Variants in PPFIBP1 observed in about 807,000 individuals in gnomAD.
The protein encoded by PPFIBP1 is PPFIB scaffold protein 1.
A neutral mutation model predicts 137.8 loss-of-function variants in PPFIBP1; 112 were observed. The observed-to-expected ratio is 0.81, with a 90% CI of 0.70 to 0.95. PPFIBP1 has a LOEUF of 0.95. PPFIBP1 is among the 40% of genes least tolerant of loss of function. The pLI is 0.00. For missense variants in PPFIBP1, 1,083 were observed against 1,196.6 expected (o/e 0.91, Z 1.40); for synonymous variants, 378 against 417.3 (o/e 0.91, Z 1.15).
At chr12:27,538,228 G>A (rs1351511026) in intron 1 of PPFIBP1, 1 of 152,132 alleles carries the variant, frequency 6.6e-6, no homozygotes, top group Non-Finnish European at 1.5e-5. Flanking sequence ...CCACTTAAAA[G>A]CAGTTCATCA....
At chr12:27,536,424 G>A (rs932513747) in intron 1 of PPFIBP1, among the ~76,000 whole-genome samples, 3 of 152,162 alleles carry the variant, frequency 2.0e-5, no homozygotes, top group South Asian at 4.1e-4. Flanking sequence ...GGAAGCTTCC[G>A]ATCATGGCAG....
intron 6 of PPFIBP1, among the ~76,000 whole-genome samples, chr12:27,649,649 C>T (rs1230671255): frequency 6.6e-6 from 1 of 152,020 alleles, no homozygotes; most frequent in Non-Finnish European, 1.5e-5. Context: ...CTCCTGGGTT[C>T]AAGTAATTCT....
chr12:27,665,901 T>A (rs2059827288), intron 12 of PPFIBP1, among the ~76,000 whole-genome samples: 1 of 152,246 alleles, frequency 6.6e-6, no homozygotes, highest in African/African-American at 2.4e-5. Context: ...GCAATTCTCA[T>A]CACTCAGCAT....
At chr12:27,681,926 A>G (rs1313570857) in intron 22 of PPFIBP1, among the ~76,000 whole-genome samples, 1 of 152,124 alleles carries the variant, frequency 6.6e-6, no homozygotes, top group Non-Finnish European at 1.5e-5. Flanking sequence ...TTAATGAAAA[A>G]GAATTACATA....
At chr12:27,632,993 T>C (rs10842956) in intron 2 of PPFIBP1, among the ~76,000 whole-genome samples, 56,357 of 151,900 alleles carry the variant, frequency 0.37, 10,655 homozygotes, top group Admixed American at 0.45. Context: ...GAGCAGAGAT[T>C]GGGTGGGGCT....
chr12:27,549,346 C>G (rs1431737439), intron 1 of PPFIBP1: 1 of 152,206 alleles, frequency 6.6e-6, no homozygotes, highest in African/African-American at 2.4e-5. Context: ...ACTTCTCCAT[C>G]TTTCTAACAT....
At chr12:27,642,505 C>A (rs1331292009) in intron 4 of PPFIBP1, among the ~76,000 whole-genome samples, 1 of 152,202 alleles carries the variant, frequency 6.6e-6, no homozygotes, top group African/African-American at 2.4e-5. Context: ...CAGTTTTGCA[C>A]TGAGAAACTT....
intron 1 of PPFIBP1, among the ~76,000 whole-genome samples, chr12:27,533,149 T>G (rs1215114577): frequency 6.6e-6 from 1 of 152,208 alleles, no homozygotes; most frequent in African/African-American, 2.4e-5. Context: ...TACAGGGACA[T>G]GCCTCCATGC....
At chr12:27,649,343 T>C (rs2058733676) in intron 6 of PPFIBP1, among the ~76,000 whole-genome samples, 1 of 152,192 alleles carries the variant, frequency 6.6e-6, no homozygotes. Flanking sequence ...CCTGATAAGT[T>C]TTTTGTGAGG....
In PPFIBP1 at chr12:27,563,277, T is replaced by TAAAAA. The variant is rs869044515; in HGVS notation, c.-123-14849_-123-14845dup. 6.9e-3 allele frequency among the ~76,000 whole-genome samples: 152 copies of TAAAAA among 22,162 alleles called. 26 individuals carry two copies. The highest frequency in any genetic ancestry group is 0.065 in the East Asian group (45 of 690). 14.5% of individuals were successfully genotyped at this position (22,162 alleles called of 152,430 possible). A position where few individuals can be genotyped will look rare whatever the true frequency, so the allele number is the denominator to read the frequency against. On this transcript the variant is annotated intron_variant, in intron 1 of 29. Transcript: ENST00000228425. ...TAACACGGTGAAAACCCATCTCTAC[T>TAAAAA]AAAAAAAAAAAAAAAAAAAAAAAAA...
At chr12:27,663,367 G>A (rs1290535510) in intron 11 of PPFIBP1, among the ~76,000 whole-genome samples, 1 of 152,198 alleles carries the variant, frequency 6.6e-6, no homozygotes, top group African/African-American at 2.4e-5. Context: ...GAGGGTCATG[G>A]ACAGAACCTG....
intron 5 of PPFIBP1, 194 bp downstream of exon 5, chr12:27,646,342 A>G (rs987098821): frequency 2.7e-5 from 17 of 618,454 alleles, no homozygotes; most frequent in Middle Eastern, 2.6e-4. Flanking sequence ...AAAAGGAGCT[A>G]CCATTAATCA....
chr12:27,679,943 A>G lies in PPFIBP1; in HGVS notation c.1777A>G (p.Ser593Gly). 1 of 1,614,126 alleles carries G rather than the reference A, an allele frequency of 6.2e-7. No homozygotes were observed. Among genetic ancestry groups the G allele is most frequent in the Non-Finnish European group, 8.5e-7 (1 of 1,179,998 alleles). ...TGTTGTCTTCTTTAGACTTAGGAGA[A>G]GTCAATCAACTACATTCAACCCAGA... Reference protein sequence around the residue: ...IMKLFGKLRRSQSTTFNPDDM... With the variant: ...IMKLFGKLRRGQSTTFNPDDM... The change falls in exon 21 of 30, where the codon AGT becomes GGT. Residue 593 changes from serine to glycine, a missense_variant. Physicochemically the swap from Ser to Gly is moderately conservative, Grantham distance 56. Transcript: ENST00000228425.
chr12:27,677,463 C>T (rs2060594002), intron 19 of PPFIBP1: 3 of 251,438 alleles, frequency 1.2e-5, no homozygotes, highest in Admixed American at 4.8e-5. Flanking sequence ...AGTCCGTTCT[C>T]CATGCTTACA....
chr12:27,597,600 C>G (rs1204162272), intron 2 of PPFIBP1, among the ~76,000 whole-genome samples: 2 of 152,138 alleles, frequency 1.3e-5, no homozygotes, highest in East Asian at 3.9e-4. Flanking sequence ...GCTTCTTCTC[C>G]ATGCTGCTGG....
chr12:27,614,992 G>T (rs1315808663), intron 2 of PPFIBP1, among the ~76,000 whole-genome samples: 1 of 152,180 alleles, frequency 6.6e-6, no homozygotes, highest in Non-Finnish European at 1.5e-5. Flanking sequence ...AACACTTCTT[G>T]ATTTGGTTCA....
chr12:27,676,692 A>G, intron 18 of PPFIBP1, 93 bp downstream of exon 18: 1 of 1,242,934 alleles, frequency 8.0e-7, no homozygotes, highest in Non-Finnish European at 1.1e-6. Flanking sequence ...TCATTGATTC[A>G]TTTCTCTTTC....
intron 5 of PPFIBP1, 134 bp downstream of exon 5, chr12:27,646,282 A>G (rs1280963245): frequency 1.4e-6 from 1 of 726,972 alleles, no homozygotes; most frequent in East Asian, 2.8e-5. Flanking sequence ...TCTGTACACA[A>G]TAGGGAGTGG....
intron 2 of PPFIBP1, among the ~76,000 whole-genome samples, chr12:27,581,343 T>C (rs1032797992): frequency 3.3e-5 from 5 of 152,196 alleles, no homozygotes; most frequent in Admixed American, 2.0e-4. Flanking sequence ...TTGTACCACT[T>C]TTGAGGCTGA....
Sources: gnomAD v4.1 joint callset for allele counts (sites outside exome capture counted in the v4.1 genomes callset) on GRCh38, gnomAD v4.1.1 for gene constraint, MANE v1.5 for transcripts, NCBI Gene and HGNC (gene_info 2026-07-23, HGNC 2026-07-21) for gene names.